TRHR: variants seen among roughly 807,000 people sequenced by gnomAD.
TRHR encodes the protein thyrotropin releasing hormone receptor.
In TRHR, 14 loss-of-function variants were observed where a neutral mutation model predicts 28.0. The observed-to-expected ratio is 0.50, with a 90% CI of 0.33 to 0.78. The LOEUF is 0.78. TRHR is among the 30% of genes least tolerant of loss of function. TRHR has a pLI of 0.02. For missense variants in TRHR, 438 were observed against 469.5 expected (o/e 0.93, Z 0.62); for synonymous variants, 176 against 171.9 (o/e 1.02, Z -0.18).
At chr8:109,089,735 G>A (rs1811494654) in intron 2 of TRHR, among the ~76,000 whole-genome samples, 1 of 152,064 alleles carries the variant, frequency 6.6e-6, no homozygotes, top group Admixed American at 6.6e-5. Context: ...GAGATCTATT[G>A]ACTATCTTCC....
rs1184173808 is a variant in TRHR, at chr8:109,119,741, TG to T, written c.*288del. Among the ~76,000 whole-genome samples, 4 of 151,950 alleles carry T rather than the reference TG, an allele frequency of 2.6e-5. No individual in the cohort carries two copies. The highest frequency in any genetic ancestry group is 9.7e-5 in the African/African-American group (4 of 41,422). On this transcript the variant is annotated 3_prime_UTR_variant, in exon 3 of 3. Transcript: ENST00000518632. ...AACTTAAGAAATTCACTATATTTTC[TG>T]GACTTATAGAGTTTCAATAAAATCT... is the stretch of plus-strand genomic sequence containing the variant.
intron 2 of TRHR, among the ~76,000 whole-genome samples, chr8:109,090,472 C>T (rs962292434): frequency 6.6e-4 from 100 of 152,328 alleles, no homozygotes; most frequent in Non-Finnish European, 1.9e-4. Flanking sequence ...ATTAACACCA[C>T]TGTCAGTTAG....
rs1811987476 is a variant in TRHR at position 109,120,235 on chromosome 8, A to G, written c.*780A>G. ...AGATTAAGTAACTGTGAAGATACAAACTAACATACAATTAAATTTGAAAAG... is the reference window on the plus strand; with the variant it reads ...AGATTAAGTAACTGTGAAGATACAAGCTAACATACAATTAAATTTGAAAAG... On this transcript the variant is annotated 3_prime_UTR_variant, in exon 3 of 3. Coordinates refer to ENST00000518632, the MANE Select transcript of TRHR (RefSeq NM_003301.7). 6.6e-6 allele frequency among the ~76,000 whole-genome samples: 1 copy of G among 152,044 alleles called. No homozygotes were observed. Among genetic ancestry groups the G allele is most frequent in the African/African-American group, 2.4e-5 (1 of 41,542 alleles).
chr8:109,107,699 A>G (rs1192787460), intron 2 of TRHR, among the ~76,000 whole-genome samples: 1 of 152,212 alleles, frequency 6.6e-6, no homozygotes, highest in Admixed American at 6.6e-5. Flanking sequence ...AGAGTGATAA[A>G]GCTGGCACCT....
intron 2 of TRHR, among the ~76,000 whole-genome samples, chr8:109,091,275 G>A (rs1449140837): frequency 6.6e-6 from 1 of 152,178 alleles, no homozygotes; most frequent in Non-Finnish European, 1.5e-5. Flanking sequence ...CATAAAGGAT[G>A]AAGAAAGGAC....
intron 2 of TRHR, among the ~76,000 whole-genome samples, chr8:109,111,857 G>T (rs556021213): frequency 6.6e-6 from 1 of 152,144 alleles, no homozygotes; most frequent in East Asian, 1.9e-4. Flanking sequence ...AATTGATAAA[G>T]AGTCTATTCA....
intron 2 of TRHR, among the ~76,000 whole-genome samples, chr8:109,107,648 A>G (rs1811771402): frequency 6.6e-6 from 1 of 152,208 alleles, no homozygotes; most frequent in Non-Finnish European, 1.5e-5. Flanking sequence ...GAAGAAGCAG[A>G]TAAGTGCAAA....
chr8:109,088,363 G>A (rs1001893038), intron 2 of TRHR, 62 bp downstream of exon 2: 7 of 1,571,056 alleles, frequency 4.5e-6, no homozygotes, highest in Non-Finnish European at 6.1e-6. Flanking sequence ...CTTGGAGATG[G>A]GAAACAACTT....
chr8:109,105,126 ACAT>A (rs1171237807), intron 2 of TRHR, among the ~76,000 whole-genome samples: 1 of 152,136 alleles, frequency 6.6e-6, no homozygotes, highest in East Asian at 1.9e-4. Context: ...GGATTTTCAC[ACAT>A]CATCTCATTT....
intron 2 of TRHR, among the ~76,000 whole-genome samples, chr8:109,102,342 A>G (rs547897211): frequency 4.9e-4 from 74 of 152,230 alleles, no homozygotes; most frequent in African/African-American, 1.7e-3. Context: ...GCAAGACTTG[A>G]TATTGATGGC....
chr8:109,110,984 C>A (rs1586193996), intron 2 of TRHR, among the ~76,000 whole-genome samples: 1 of 152,012 alleles, frequency 6.6e-6, no homozygotes, highest in South Asian at 2.1e-4. Flanking sequence ...GGTAAAACCC[C>A]GTCTCTACAA....
chr8:109,096,774 T>C (rs1811599955), intron 2 of TRHR, among the ~76,000 whole-genome samples: 1 of 152,176 alleles, frequency 6.6e-6, no homozygotes, highest in African/African-American at 2.4e-5. Flanking sequence ...TGTATGTATA[T>C]ATACAAATAT....
In TRHR at chr8:109,096,084, G is replaced by A. The variant is rs1230748032; in HGVS notation, c.789+7783G>A. Among the ~76,000 whole-genome samples the A allele has an allele frequency of 8.5e-5, 13 of 152,088 alleles. No homozygotes were observed. The East Asian group carries it at 2.5e-3, about 29-fold the overall frequency. On this transcript the variant is annotated intron_variant, in intron 2 of 2. Coordinates refer to ENST00000518632, the MANE Select transcript of TRHR (RefSeq NM_003301.7). ...TAATTTTTACACTCCCCTGAGCACT[G>A]GAATTTTAACTCCTTAGCGTCACAA...
chr8:109,110,818 T>C lies in TRHR; in HGVS notation c.790-8230T>C, dbSNP rs182868350. On this transcript the variant is annotated intron_variant, in intron 2 of 2. Transcript: ENST00000518632. ...TTTTAAGCCCCATGAATGATCTCAC[T>C]CCATGATATGAAGCACCCCACATTG... Among the ~76,000 whole-genome samples the C allele has an allele frequency of 2.5e-3, 386 of 152,266 alleles. 2 individuals are homozygous for C. The highest frequency in any genetic ancestry group is 9.0e-3 in the African/African-American group (376 of 41,560).
chr8:109,098,951 T>A (rs1279751097), intron 2 of TRHR, among the ~76,000 whole-genome samples: 1 of 152,204 alleles, frequency 6.6e-6, no homozygotes, highest in Non-Finnish European at 1.5e-5. Flanking sequence ...CATCCCACAA[T>A]GGCAGAAACG....
chr8:109,118,575 C>T lies in TRHR; in HGVS notation c.790-473C>T, dbSNP rs542201403. Among the ~76,000 whole-genome samples, 4 of 151,886 alleles carry T rather than the reference C, an allele frequency of 2.6e-5. No individual in the cohort carries two copies. In the East Asian group the frequency reaches 7.8e-4, roughly 30 times the overall value. On this transcript the variant is annotated intron_variant, in intron 2 of 2. Coordinates refer to ENST00000518632, the MANE Select transcript of TRHR (RefSeq NM_003301.7). ...CAGCCATAGCTGCAGTAGATGGTTCCTGCAGTGGGAAATATCCCACTTCAG... is the reference window on the plus strand; with the variant it reads ...CAGCCATAGCTGCAGTAGATGGTTCTTGCAGTGGGAAATATCCCACTTCAG...
intron 2 of TRHR, among the ~76,000 whole-genome samples, chr8:109,096,329 T>C (rs1295024469): frequency 6.6e-6 from 1 of 152,228 alleles, no homozygotes; most frequent in Non-Finnish European, 1.5e-5. Flanking sequence ...ATTTCTCAGG[T>C]AGATTTATAT....
Position 109,088,300 on chromosome 8 carries a change from A to G in TRHR, c.788A>G (p.Gln263Arg), listed in dbSNP as rs1172353772. 3.1e-6 allele frequency: 5 copies of G among 1,613,000 alleles called. No homozygotes were observed. The Admixed American group carries it at 8.3e-5, about 27-fold the overall frequency. Residue 263 changes from glutamine to arginine, a missense_variant and splice_region_variant, in exon 2 of 3, where the codon CAG (glutamine) becomes CGG (arginine). Gln to Arg is a conservative substitution (Grantham distance 43). Transcript: ENST00000518632. ...CFNSTVSSRK[Q>R]VTKMLAVVVI... ...AACAGCACAGTATCTTCAAGGAAGC[A>G]GGTAAGCAAAACTGAAACTCCAAGT...
chr8:109,099,882 G>A (rs1001169394), intron 2 of TRHR, among the ~76,000 whole-genome samples: 2 of 152,132 alleles, frequency 1.3e-5, no homozygotes, highest in Non-Finnish European at 2.9e-5. Context: ...GTTTTATGAG[G>A]ATTTATGACT....
Sources: gnomAD v4.1 joint callset for allele counts (sites outside exome capture counted in the v4.1 genomes callset) on GRCh38, gnomAD v4.1.1 for gene constraint, MANE v1.5 for transcripts, NCBI Gene and HGNC (gene_info 2026-07-23, HGNC 2026-07-21) for gene names.